Variants in SH3GL2 observed in about 807,000 individuals in gnomAD.
SH3GL2 encodes endophilin-A1.
In SH3GL2, 24 loss-of-function variants were observed where a neutral mutation model predicts 46.0. That is an observed-to-expected ratio of 0.52 (90% confidence interval 0.38 to 0.73). The LOEUF is 0.73. Ranked by LOEUF, SH3GL2 falls within the 30% of genes least tolerant of loss-of-function variation. SH3GL2 has a pLI of 0.00. For missense variants in SH3GL2, 413 were observed against 424.2 expected (o/e 0.97, Z 0.23); for synonymous variants, 196 against 147.1 (o/e 1.33, Z -2.40).
intron 1 of SH3GL2, among the ~76,000 whole-genome samples, chr9:17,718,423 G>A (rs957606858): frequency 2.6e-5 from 4 of 152,138 alleles, no homozygotes; most frequent in African/African-American, 9.7e-5. Flanking sequence ...TGGAGACCGT[G>A]TTAAAAATGC....
intron 1 of SH3GL2, among the ~76,000 whole-genome samples, chr9:17,687,216 A>T (rs193126957): frequency 6.6e-6 from 1 of 152,074 alleles, no homozygotes; most frequent in Non-Finnish European, 1.5e-5. Flanking sequence ...TTAAATTTTG[A>T]GTTTTTTTCA....
intron 3 of SH3GL2, among the ~76,000 whole-genome samples, chr9:17,767,445 G>A (rs1336166214): frequency 6.6e-6 from 1 of 152,136 alleles, no homozygotes; most frequent in African/African-American, 2.4e-5. Context: ...AATAAATACA[G>A]TGATTATATT....
chr9:17,647,334 C>G (rs1819842670), intron 1 of SH3GL2, among the ~76,000 whole-genome samples: 1 of 152,158 alleles, frequency 6.6e-6, no homozygotes, highest in Non-Finnish European at 1.5e-5. Context: ...CATTGTTTGT[C>G]AGATGCTATG....
intron 1 of SH3GL2, among the ~76,000 whole-genome samples, chr9:17,635,972 T>C (rs895749250): frequency 2.6e-5 from 4 of 152,194 alleles, no homozygotes; most frequent in African/African-American, 9.6e-5. Flanking sequence ...CCAAACTGTA[T>C]GTGGGCCCAA....
At chr9:17,779,089 A>G (rs9407866) in intron 3 of SH3GL2, among the ~76,000 whole-genome samples, 17,611 of 152,082 alleles carry the variant, frequency 0.12, 1,136 homozygotes, top group Admixed American at 0.15. Flanking sequence ...AGGTGATACA[A>G]TTGGCCAGAC....
intron 3 of SH3GL2, among the ~76,000 whole-genome samples, chr9:17,778,530 T>A (rs1041289956): frequency 4.6e-5 from 7 of 152,098 alleles, no homozygotes; most frequent in Non-Finnish European, 1.0e-4. Context: ...TCACCATTGT[T>A]GGGACTTTGA....
At chr9:17,634,863 G>A (rs1819507187) in intron 1 of SH3GL2, among the ~76,000 whole-genome samples, 1 of 152,210 alleles carries the variant, frequency 6.6e-6, no homozygotes, top group Admixed American at 6.5e-5. Flanking sequence ...GCAGGGCCCT[G>A]GATGGGGAAG....
At chr9:17,733,919 A>T (rs1309307660) in intron 1 of SH3GL2, among the ~76,000 whole-genome samples, 1 of 151,954 alleles carries the variant, frequency 6.6e-6, no homozygotes, top group Non-Finnish European at 1.5e-5. Flanking sequence ...GGAATTGAAC[A>T]ATGAGAACAC....
At chr9:17,614,510 C>A (rs1818942532) in intron 1 of SH3GL2, among the ~76,000 whole-genome samples, 1 of 151,926 alleles carries the variant, frequency 6.6e-6, no homozygotes, top group South Asian at 2.1e-4. Flanking sequence ...GGAATTGGGA[C>A]AGCGTAGCTA....
At chr9:17,604,346 A>G (rs1243520724) in intron 1 of SH3GL2, among the ~76,000 whole-genome samples, 1 of 152,224 alleles carries the variant, frequency 6.6e-6, no homozygotes, top group African/African-American at 2.4e-5. Flanking sequence ...AAATGGGAAT[A>G]ATGTCAGTAT....
At chr9:17,643,458 C>G (rs987675927) in intron 1 of SH3GL2, among the ~76,000 whole-genome samples, 1 of 152,056 alleles carries the variant, frequency 6.6e-6, no homozygotes, top group East Asian at 1.9e-4. Flanking sequence ...TAGGAGTTTT[C>G]AAAGGGAATG....
intron 3 of SH3GL2, among the ~76,000 whole-genome samples, chr9:17,769,853 A>T (rs1020234232): frequency 1.3e-5 from 2 of 152,194 alleles, no homozygotes; most frequent in Non-Finnish European, 2.9e-5. Context: ...TAGTGCCCTC[A>T]GTAAATATTT....
chr9:17,700,660 T>C (rs775788416), intron 1 of SH3GL2, among the ~76,000 whole-genome samples: 5 of 152,218 alleles, frequency 3.3e-5, no homozygotes, highest in Non-Finnish European at 7.3e-5. Context: ...TTCTCTATTC[T>C]GTGCTTGTGA....
chr9:17,694,836 T>C (rs1009083873), intron 1 of SH3GL2, among the ~76,000 whole-genome samples: 1 of 152,194 alleles, frequency 6.6e-6, no homozygotes, highest in African/African-American at 2.4e-5. Flanking sequence ...TACTAAAACC[T>C]TCACAAGTGG....
At chr9:17,778,404 T>C (rs1823706008) in intron 3 of SH3GL2, among the ~76,000 whole-genome samples, 1 of 152,036 alleles carries the variant, frequency 6.6e-6, no homozygotes, top group African/African-American at 2.4e-5. Flanking sequence ...TGAATTAAAA[T>C]GAAGAGTAAG....
At chr9:17,606,049 C>T (rs1302301009) in intron 1 of SH3GL2, among the ~76,000 whole-genome samples, 1 of 151,914 alleles carries the variant, frequency 6.6e-6, no homozygotes, top group South Asian at 2.1e-4. Flanking sequence ...CTACCCTTGT[C>T]AACCTTGACG....
chr9:17,693,247 G>C (rs1332269841), intron 1 of SH3GL2, among the ~76,000 whole-genome samples: 2 of 152,098 alleles, frequency 1.3e-5, no homozygotes, highest in African/African-American at 4.8e-5. Context: ...ATGGATCAGG[G>C]TCCTCCTTTT....
chr9:17,604,286 C>T (rs1818720942), intron 1 of SH3GL2, among the ~76,000 whole-genome samples: 1 of 152,182 alleles, frequency 6.6e-6, no homozygotes, highest in Admixed American at 6.5e-5. Context: ...TGCTTACTCG[C>T]CAAGTCCACA....
chr9:17,750,485 TC>T (rs1822812073), intron 2 of SH3GL2, among the ~76,000 whole-genome samples: 1 of 152,118 alleles, frequency 6.6e-6, no homozygotes, highest in Admixed American at 6.6e-5. Flanking sequence ...AGCCCTCCTC[TC>T]CCTGAGCTGA....
Sources: gnomAD v4.1 joint callset for allele counts (sites outside exome capture counted in the v4.1 genomes callset) on GRCh38, gnomAD v4.1.1 for gene constraint, MANE v1.5 for transcripts, NCBI Gene and HGNC (gene_info 2026-07-23, HGNC 2026-07-21) for gene names.